ALPK1: variants seen among roughly 807,000 people sequenced by gnomAD.
ALPK1 encodes the protein alpha-protein kinase 1.
In ALPK1, 110 loss-of-function variants were observed where a neutral mutation model predicts 120.6. The observed-to-expected ratio is 0.91, with a 90% CI of 0.78 to 1.07. The LOEUF (loss-of-function observed/expected upper bound fraction) is 1.07. Ranked by LOEUF, ALPK1 falls within the 50% of genes least tolerant of loss-of-function variation. The probability of loss-of-function intolerance (pLI) is 0.00; values close to 1 mark genes in which losing one functional copy is unlikely to be tolerated. For missense variants in ALPK1, 1,498 were observed against 1,483.9 expected, an observed-to-expected ratio of 1.01 and a Z score of -0.16; for synonymous variants, 582 against 560.3, an observed-to-expected ratio of 1.04 and a Z score of -0.55.
chr4:112,385,242 T>C (rs1407116434), intron 4 of ALPK1, among the ~76,000 whole-genome samples: 1 of 152,228 alleles, frequency 6.6e-6, no homozygotes, highest in African/African-American at 2.4e-5. Flanking sequence ...GGGGGTTTAA[T>C]GTGAGTTGGG....
chr4:112,409,695 A>C (rs1344806487), intron 4 of ALPK1, among the ~76,000 whole-genome samples: 1 of 152,166 alleles, frequency 6.6e-6, no homozygotes, highest in East Asian at 1.9e-4. Flanking sequence ...GAAGTCATAC[A>C]TGCCCACTTT....
At position 112,430,428 on chromosome 4, in the gene ALPK1, G is replaced by A. The variant is rs371878900; in HGVS notation, c.901-20G>A. 1 of 1,543,608 alleles carries A rather than the reference G, an allele frequency of 6.5e-7. No individual in the cohort carries two copies. Among genetic ancestry groups the A allele is most frequent in the Non-Finnish European group, 8.8e-7 (1 of 1,142,416 alleles). ...AGTTTTCAATTCAATATCTGATTTG[G>A]TATTTGGTATTTTTCCCAGAATATC... On this transcript the variant is annotated intron_variant, in intron 10 of 15. Transcript: ENST00000650871.
At chr4:112,383,335 T>A (rs1209013435) in intron 4 of ALPK1, 1 of 151,826 alleles carries the variant, frequency 6.6e-6, no homozygotes, top group Non-Finnish European at 1.5e-5. Context: ...TGTTAGGCAT[T>A]AAAGCATGAC....
chr4:112,332,896 G>A (rs1187520653), intron 2 of ALPK1, among the ~76,000 whole-genome samples: 2 of 152,012 alleles, frequency 1.3e-5, no homozygotes, highest in Admixed American at 6.5e-5. Flanking sequence ...ATTTACCCTC[G>A]TGAATTACTG....
intron 2 of ALPK1, among the ~76,000 whole-genome samples, chr4:112,369,779 G>A (rs7655789): frequency 0.84 from 127,988 of 152,278 alleles, 53,816 homozygotes; most frequent in Middle Eastern, 0.89. Context: ...CTAACCAAGG[G>A]TTAATTGAAT....
chr4:112,353,084 TC>T (rs1187023875), intron 2 of ALPK1: 1 of 148,952 alleles, frequency 6.7e-6, no homozygotes, highest in Non-Finnish European at 1.5e-5. Flanking sequence ...CAAGACATCC[TC>T]CTACCTCAGC....
chr4:112,437,163 C>G (rs1296227398), intron 12 of ALPK1, among the ~76,000 whole-genome samples: 1 of 152,040 alleles, frequency 6.6e-6, no homozygotes, highest in Non-Finnish European at 1.5e-5. Flanking sequence ...AGAAAATAGA[C>G]AGATTACGTA....
At chr4:112,426,283 A>C in intron 7 of ALPK1, 184 bp from the exon 8 acceptor site, 2 of 397,726 alleles carry the variant, frequency 5.0e-6, no homozygotes, top group Non-Finnish European at 8.9e-6. Context: ...AGTGAAATGG[A>C]AAAATTGTCT....
At chr4:112,388,385 A>G (rs796286624) in intron 4 of ALPK1, among the ~76,000 whole-genome samples, 9 of 152,354 alleles carry the variant, frequency 5.9e-5, no homozygotes, top group African/African-American at 2.2e-4. Flanking sequence ...TTATTAGGAA[A>G]TGAAATATCA....
intron 4 of ALPK1, among the ~76,000 whole-genome samples, chr4:112,410,307 C>T (rs943061177): frequency 1.3e-5 from 2 of 152,244 alleles, no homozygotes; most frequent in South Asian, 2.1e-4. Flanking sequence ...GTGTTCAAAC[C>T]CCAGCTCTTA....
chr4:112,322,354 A>G (rs1429141209), intron 2 of ALPK1, among the ~76,000 whole-genome samples: 1 of 152,198 alleles, frequency 6.6e-6, no homozygotes, highest in African/African-American at 2.4e-5. Flanking sequence ...TAGAGATGAC[A>G]AAAGGCATCT....
intron 1 of ALPK1, among the ~76,000 whole-genome samples, chr4:112,309,877 C>T (rs1032089373): frequency 2.0e-5 from 3 of 152,092 alleles, no homozygotes; most frequent in Admixed American, 6.5e-5. Flanking sequence ...TACATGACTG[C>T]TTTCTACTAA....
At position 112,409,590 on chromosome 4, in the gene ALPK1, G is replaced by A. The variant is rs17044627; in HGVS notation, c.277-2237G>A. 3.5e-3 allele frequency among the ~76,000 whole-genome samples: 528 copies of A among 152,026 alleles called. 4 individuals are homozygous for A. Among genetic ancestry groups the A allele is most frequent in the African/African-American group, 0.012 (508 of 41,476 alleles). On this transcript the variant is annotated intron_variant, in intron 4 of 15. Coordinates refer to ENST00000650871, the MANE Select transcript of ALPK1 (RefSeq NM_025144.4). The stretch of plus-strand genomic sequence containing the variant: ...GGGTCAAGCAGAATACTCCATGTAG[G>A]GCGGCTTACTAGACAAGACTTATGA...
At chr4:112,364,544 A>G (rs1317845865) in intron 2 of ALPK1, among the ~76,000 whole-genome samples, 1 of 152,128 alleles carries the variant, frequency 6.6e-6, no homozygotes, top group Non-Finnish European at 1.5e-5. Context: ...GACCAATAAC[A>G]AGCAGTGAGA....
Position 112,404,256 on chromosome 4 carries a change from T to C in ALPK1, c.277-7571T>C, listed in dbSNP as rs144602807. Among the ~76,000 whole-genome samples the C allele has an allele frequency of 1.8e-4, 27 of 152,316 alleles. No homozygotes were observed. In the East Asian group the frequency reaches 5.2e-3, roughly 29 times the overall value. On this transcript the variant is annotated intron_variant, in intron 4 of 15. Transcript: ENST00000650871. Reference sequence around the variant, plus strand: ...CTTCCACTGAAACTCACTTTGGGAGTCTGTCTGTGCCTGTTTATACCTCGT... The same window carrying C: ...CTTCCACTGAAACTCACTTTGGGAGCCTGTCTGTGCCTGTTTATACCTCGT...
chr4:112,349,615 GCA>G (rs1730257993), intron 2 of ALPK1, among the ~76,000 whole-genome samples: 1 of 144,288 alleles, frequency 6.9e-6, no homozygotes, highest in Non-Finnish European at 1.5e-5. Flanking sequence ...GTGCAGTGGT[GCA>G]ATCTTGGCTC....
intron 2 of ALPK1, among the ~76,000 whole-genome samples, chr4:112,345,552 A>G (rs1313943324): frequency 1.3e-5 from 2 of 152,246 alleles, no homozygotes; most frequent in African/African-American, 4.8e-5. Flanking sequence ...ACCAGGGAAG[A>G]GGAGATTTCA....
chr4:112,356,977 G>A, intron 2 of ALPK1: 1 of 769,452 alleles, frequency 1.3e-6, no homozygotes. Flanking sequence ...ACCAGGTGCT[G>A]GAGGAGCAGA....
chr4:112,376,506 T>G (rs1250386446), intron 2 of ALPK1, among the ~76,000 whole-genome samples: 3 of 152,184 alleles, frequency 2.0e-5, no homozygotes, highest in African/African-American at 7.2e-5. Context: ...TCAGCTTTCA[T>G]TTTCTGCTCC....
Sources: gnomAD v4.1 joint callset for allele counts (sites outside exome capture counted in the v4.1 genomes callset) on GRCh38, gnomAD v4.1.1 for gene constraint, MANE v1.5 for transcripts, NCBI Gene and HGNC (gene_info 2026-07-23, HGNC 2026-07-21) for gene names.